MYO3A: variants seen among roughly 807,000 people sequenced by gnomAD.
MYO3A encodes the protein myosin-IIIa.
Under a neutral mutation model 192.7 loss-of-function variants are expected in MYO3A, and 180 were observed. The ratio of observed to expected loss-of-function variants is 0.93; its 90% confidence interval spans 0.83 to 1.06. MYO3A has a LOEUF of 1.06. Ranked by LOEUF, MYO3A falls within the 50% of genes least tolerant of loss-of-function variation. The pLI, the probability that MYO3A is intolerant of heterozygous loss-of-function variation, is 0.00. For synonymous variants in MYO3A, 628 were observed against 645.3 expected, an observed-to-expected ratio of 0.97 and a Z score of 0.41; for missense variants, 1,896 against 1,905.0, an observed-to-expected ratio of 1.00 and a Z score of 0.09.
rs201389359 is a variant in MYO3A, at chr10:25,975,759, GTTAAAACA to G, written c.304-20724_304-20717del. 7.8e-3 allele frequency among the ~76,000 whole-genome samples: 1,193 copies of G among 152,174 alleles called. 16 individuals are homozygous for G. Among genetic ancestry groups the G allele is most frequent in the African/African-American group, 0.027 (1,117 of 41,504 alleles). On this transcript the variant is annotated intron_variant, in intron 4 of 34. Coordinates refer to ENST00000642920, the MANE Select transcript of MYO3A (RefSeq NM_017433.5). ...TTATTTCAGGAGTGAGTGCAAGTTC[GTTAAAACA>G]TTAAAATGCATTTGTTAAAACATTA...
chr10:26,180,649 A>G (rs917418177), intron 31 of MYO3A, among the ~76,000 whole-genome samples: 1 of 152,112 alleles, frequency 6.6e-6, no homozygotes, highest in African/African-American at 2.4e-5. Context: ...ATGTATAGTT[A>G]TATAGATAGA....
intron 31 of MYO3A, among the ~76,000 whole-genome samples, chr10:26,189,998 G>A (rs1342546514): frequency 6.6e-6 from 1 of 152,156 alleles, no homozygotes; most frequent in Non-Finnish European, 1.5e-5. Flanking sequence ...GGGAGGCAGA[G>A]GTTGCAGTGA....
Position 26,128,496 on chromosome 10 carries a change from A to C in MYO3A, c.2220A>C (p.Gln740His). ...TGTGCATTAACATTGCAAATGAACA[A>C]ATTCAGTATTATTATAATCAACATG... ...EQLCINIANE[Q>H]IQYYYNQHVF... is the part of the protein sequence containing the mutation. Residue 740 changes from glutamine (Q) to histidine (H), a missense_variant, in exon 20 of 35, where the codon CAA becomes CAC. Gln to His is a conservative substitution (Grantham distance 24, BLOSUM62 0). Coordinates refer to ENST00000642920, the MANE Select transcript of MYO3A (RefSeq NM_017433.5). The C allele has an allele frequency of 6.2e-7, 1 of 1,612,802 alleles. No homozygotes were observed. Among genetic ancestry groups the C allele is most frequent in the Non-Finnish European group, 8.5e-7 (1 of 1,179,168 alleles).
At chr10:26,175,283 C>T (rs768508733) in intron 30 of MYO3A, among the ~76,000 whole-genome samples, 2 of 152,130 alleles carry the variant, frequency 1.3e-5, no homozygotes, top group African/African-American at 4.8e-5. Context: ...TCGCAAGAAC[C>T]GGCTTCTGTA....
At chr10:25,998,647 CA>C (rs1840598096) in intron 6 of MYO3A, among the ~76,000 whole-genome samples, 1 of 152,090 alleles carries the variant, frequency 6.6e-6, no homozygotes, top group Non-Finnish European at 1.5e-5. Flanking sequence ...AAGACAGACT[CA>C]AATGGAGAAC....
chr10:26,136,413 A>G (rs1839848925), intron 20 of MYO3A, among the ~76,000 whole-genome samples: 1 of 152,238 alleles, frequency 6.6e-6, no homozygotes, highest in Non-Finnish European at 1.5e-5. Flanking sequence ...AAGTTCTGTG[A>G]AAGAACTAAG....
chr10:26,015,030 G>A (rs1462416762), intron 6 of MYO3A, among the ~76,000 whole-genome samples: 1 of 152,124 alleles, frequency 6.6e-6, no homozygotes, highest in East Asian at 1.9e-4. Flanking sequence ...TGGAGTTGCT[G>A]TACAGCCATG....
At chr10:26,038,302 T>C (rs1040587760) in intron 10 of MYO3A, among the ~76,000 whole-genome samples, 7 of 152,192 alleles carry the variant, frequency 4.6e-5, no homozygotes, top group Non-Finnish European at 1.0e-4. Flanking sequence ...GTAGTGTGGG[T>C]ATTTTAACAA....
intron 17 of MYO3A, among the ~76,000 whole-genome samples, chr10:26,105,368 C>A (rs1204926664): frequency 6.6e-6 from 1 of 152,100 alleles, no homozygotes; most frequent in Non-Finnish European, 1.5e-5. Context: ...TTCCTGCCAG[C>A]AATGTGTTGT....
chr10:26,130,549 C>T (rs1417277584), intron 20 of MYO3A, among the ~76,000 whole-genome samples: 1 of 152,166 alleles, frequency 6.6e-6, no homozygotes, highest in African/African-American at 2.4e-5. Flanking sequence ...AATAAAACAA[C>T]TCAAAATTTC....
intron 2 of MYO3A, among the ~76,000 whole-genome samples, chr10:25,947,414 A>T (rs1264658554): frequency 1.8e-5 from 2 of 112,102 alleles, no homozygotes; most frequent in African/African-American, 7.3e-5. Context: ...TTTTTTTGAG[A>T]CAGAGTTTTG....
At chr10:25,996,730 C>T in intron 5 of MYO3A, 136 bp downstream of exon 5, 5 of 749,640 alleles carry the variant, frequency 6.7e-6, no homozygotes, top group South Asian at 6.4e-5. Flanking sequence ...CAAAATCTGA[C>T]ATGTTCAGCA....
intron 29 of MYO3A, 81 bp from the exon 30 acceptor site, chr10:26,173,582 A>T: frequency 7.7e-7 from 1 of 1,302,248 alleles, no homozygotes; most frequent in Non-Finnish European, 1.1e-6. Flanking sequence ...TCCCACCGGT[A>T]TCTAGCATAT....
intron 6 of MYO3A, among the ~76,000 whole-genome samples, chr10:26,005,460 G>A (rs1475337334): frequency 6.6e-6 from 1 of 152,072 alleles, no homozygotes; most frequent in Non-Finnish European, 1.5e-5. Context: ...GACAGTTGAT[G>A]AAATTTGAAT....
intron 17 of MYO3A, among the ~76,000 whole-genome samples, chr10:26,110,176 T>G (rs563939299): frequency 6.6e-6 from 1 of 152,138 alleles, no homozygotes; most frequent in Non-Finnish European, 1.5e-5. Context: ...ATGCTTTCTC[T>G]CCATTGATTC....
intron 10 of MYO3A, among the ~76,000 whole-genome samples, chr10:26,065,477 C>T (rs535851938): frequency 2.7e-5 from 4 of 148,608 alleles, no homozygotes; most frequent in Non-Finnish European, 3.0e-5. Context: ...CCCAGCCACT[C>T]GGGAAGCTGA....
chr10:26,197,158 G>A (rs1011012193), intron 32 of MYO3A, among the ~76,000 whole-genome samples: 4 of 152,184 alleles, frequency 2.6e-5, no homozygotes, highest in Admixed American at 6.5e-5. Flanking sequence ...GGAGACACGA[G>A]CTCAGTCTCA....
intron 4 of MYO3A, among the ~76,000 whole-genome samples, chr10:25,985,246 A>AAC (rs1181464264): frequency 6.6e-6 from 1 of 150,944 alleles, no homozygotes. Context: ...TCAAAAAAAA[A>AAC]AAAAAAAAAA....
At chr10:26,019,259 ATTTATTTATTTT>A (rs891100372) in intron 7 of MYO3A, among the ~76,000 whole-genome samples, 3 of 64,772 alleles carry the variant, frequency 4.6e-5, no homozygotes, top group African/African-American at 1.5e-4. Context: ...TTATTTATTT[ATTTATTTATTTT>A]TTCCTGAGAC....
Sources: gnomAD v4.1 joint callset for allele counts (sites outside exome capture counted in the v4.1 genomes callset) on GRCh38, gnomAD v4.1.1 for gene constraint, MANE v1.5 for transcripts, NCBI Gene and HGNC (gene_info 2026-07-23, HGNC 2026-07-21) for gene names.